The following CCDC148 variants were observed in gnomAD, a reference collection of about 807,000 sequenced individuals.
The protein encoded by CCDC148 is coiled-coil domain containing 148.
In CCDC148, 89 loss-of-function variants were observed where a neutral mutation model predicts 85.7. That is an observed-to-expected ratio of 1.04 (90% CI 0.87 to 1.24). The LOEUF (loss-of-function observed/expected upper bound fraction) is 1.24. Among genes scored for constraint, CCDC148 ranks in the 50% most tolerant of loss-of-function variants. The probability of loss-of-function intolerance (pLI) is 0.00; values close to 1 mark genes in which losing one functional copy is unlikely to be tolerated. For synonymous variants in CCDC148, 230 were observed against 213.9 expected (o/e 1.08, Z -0.66); for missense variants, 692 against 671.7 (o/e 1.03, Z -0.33).
intron 7 of CCDC148, among the ~76,000 whole-genome samples, chr2:158,337,815 T>A (rs985330197): frequency 6.6e-6 from 1 of 152,178 alleles, no homozygotes; most frequent in Admixed American, 6.6e-5. Context: ...TTTAAGTTTT[T>A]TCCCCCTGTA....
chr2:158,318,584 T>G (rs756031739), intron 7 of CCDC148, among the ~76,000 whole-genome samples: 14 of 151,322 alleles, frequency 9.3e-5, no homozygotes, highest in Admixed American at 2.0e-4. Flanking sequence ...TTTACTTAGA[T>G]TTTTTTTTAG....
chr2:158,252,247 T>C (rs1688824248), intron 9 of CCDC148, among the ~76,000 whole-genome samples: 1 of 151,812 alleles, frequency 6.6e-6, no homozygotes. Flanking sequence ...AATTTCATTT[T>C]CTAAAGTAAT....
intron 13 of CCDC148, among the ~76,000 whole-genome samples, chr2:158,175,794 G>A (rs919559869): frequency 1.3e-5 from 2 of 151,964 alleles, no homozygotes; most frequent in African/African-American, 4.8e-5. Context: ...TAATTATTTA[G>A]CTTCTCTCCT....
At position 158,250,888 on chromosome 2, in the gene CCDC148, C is replaced by T. The variant is rs1389744623; in HGVS notation, c.1135G>A (p.Glu379Lys). The T allele has an allele frequency of 1.2e-6, 2 of 1,604,450 alleles. No individual in the cohort carries two copies. Among genetic ancestry groups the T allele is most frequent in the African/African-American group, 2.7e-5 (2 of 74,036 alleles). Residue 379 changes from glutamate to lysine, a missense_variant, in exon 10 of 14, where the codon GAA becomes AAA. Transcript: ENST00000283233. ...AKVRQWRAHQ[E>K]EVARLEMEIS... The stretch of plus-strand genomic sequence containing the variant: ...TCCATTTCCAGTCTTGCTACCTCTT[C>T]TTGGTGGGCTCGCCATTGACGAACC...
chr2:158,276,149 G>A (rs1003536489), intron 9 of CCDC148, among the ~76,000 whole-genome samples: 3 of 152,092 alleles, frequency 2.0e-5, no homozygotes, highest in Admixed American at 6.6e-5. Flanking sequence ...ATTAAAAACC[G>A]CCTTGCCTCA....
chr2:158,297,709 T>C (rs2105195741), intron 9 of CCDC148, among the ~76,000 whole-genome samples: 1 of 152,302 alleles, frequency 6.6e-6, no homozygotes, highest in Non-Finnish European at 1.5e-5. Flanking sequence ...AAGCAAGCTC[T>C]AGACTAAGTT....
rs183562723 is a variant in CCDC148 at position 158,185,756 on chromosome 2, C to T, written c.1371-6760G>A. On this transcript the variant is annotated intron_variant, in intron 11 of 13. Coordinates refer to ENST00000283233, the MANE Select transcript of CCDC148 (RefSeq NM_138803.4). ...TTCTTTTTCTGAACCATTCCTCTTT[C>T]TACCTGACCTTCTGTAATCCTTTTA... 5.9e-5 allele frequency among the ~76,000 whole-genome samples: 9 copies of T among 152,254 alleles called. No homozygotes were observed. In the East Asian group the frequency reaches 1.5e-3, roughly 26 times the overall value.
chr2:158,202,633 C>A (rs1686026536), intron 11 of CCDC148, among the ~76,000 whole-genome samples: 1 of 152,224 alleles, frequency 6.6e-6, no homozygotes, highest in Admixed American at 6.5e-5. Flanking sequence ...TCTGTCACTG[C>A]AGCACACGAA....
At chr2:158,352,120 T>C (rs1683341613) in intron 2 of CCDC148, among the ~76,000 whole-genome samples, 1 of 146,908 alleles carries the variant, frequency 6.8e-6, no homozygotes, top group African/African-American at 2.6e-5. Context: ...ACCACAAAGA[T>C]GGGGAAAAAA....
intron 1 of CCDC148, among the ~76,000 whole-genome samples, chr2:158,416,665 T>G (rs938176984): frequency 6.6e-6 from 1 of 152,222 alleles, no homozygotes; most frequent in Non-Finnish European, 1.5e-5. Flanking sequence ...TCATAACAAC[T>G]GAACAAGTCT....
At chr2:158,293,139 C>T (rs750491680) in intron 9 of CCDC148, among the ~76,000 whole-genome samples, 1 of 151,032 alleles carries the variant, frequency 6.6e-6, no homozygotes, top group Non-Finnish European at 1.5e-5. Context: ...GTTTAGCGTC[C>T]AGAAATAGAC....
At chr2:158,233,633 A>G (rs550114168) in intron 10 of CCDC148, among the ~76,000 whole-genome samples, 3 of 152,126 alleles carry the variant, frequency 2.0e-5, no homozygotes, top group Admixed American at 6.6e-5. Flanking sequence ...TGGATAGGCA[A>G]CTTTTCAAAC....
rs905614074 is a variant in CCDC148 at position 158,340,693 on chromosome 2, T to G, written c.252-13A>C. 8 of 1,417,346 alleles carry G rather than the reference T, an allele frequency of 5.6e-6. No homozygotes were observed. The African/African-American group carries it at 1.1e-4, about 20-fold the overall frequency. The allele number at this position is 1,417,346 out of a possible 1,614,324, so 87.8% of individuals were successfully genotyped here. On this transcript the variant is annotated splice_polypyrimidine_tract_variant and intron_variant, in intron 3 of 13. Transcript: ENST00000283233. ...TTCCATTTTACATCTGAAATAGATG[T>G]GATCTCAATAAATGTTACAATCATA...
chr2:158,179,976 C>CT (rs1349678802), intron 11 of CCDC148, among the ~76,000 whole-genome samples: 2 of 152,118 alleles, frequency 1.3e-5, no homozygotes, highest in Non-Finnish European at 2.9e-5. Flanking sequence ...CCTCTGCTGC[C>CT]TTTTTTGGGC....
intron 7 of CCDC148, among the ~76,000 whole-genome samples, chr2:158,333,017 C>T (rs1693225262): frequency 6.6e-6 from 1 of 151,410 alleles, no homozygotes; most frequent in South Asian, 2.1e-4. Flanking sequence ...AAGGGTTTTT[C>T]TTGTCTCTAT....
At chr2:158,257,095 C>T (rs1488716364) in intron 9 of CCDC148, among the ~76,000 whole-genome samples, 3 of 151,554 alleles carry the variant, frequency 2.0e-5, no homozygotes, top group Non-Finnish European at 4.4e-5. Context: ...AAAAAGTCTC[C>T]CACCAGAGAC....
intron 7 of CCDC148, among the ~76,000 whole-genome samples, chr2:158,318,716 G>C (rs1406304450): frequency 6.6e-6 from 1 of 151,860 alleles, no homozygotes; most frequent in Non-Finnish European, 1.5e-5. Context: ...CATCCATCCA[G>C]CAGTAGTTTT....
At chr2:158,399,442 T>C (rs1459526064) in intron 1 of CCDC148, among the ~76,000 whole-genome samples, 1 of 152,180 alleles carries the variant, frequency 6.6e-6, no homozygotes, top group South Asian at 2.1e-4. Flanking sequence ...TCAAGTCAGA[T>C]TCATCCCTGG....
At chr2:158,377,186 G>C (rs1359257226) in intron 1 of CCDC148, among the ~76,000 whole-genome samples, 13 of 151,958 alleles carry the variant, frequency 8.6e-5, no homozygotes, top group African/African-American at 3.1e-4. Flanking sequence ...TGAAAACTAG[G>C]GGAAGTGGAG....
Sources: gnomAD v4.1 joint callset for allele counts (sites outside exome capture counted in the v4.1 genomes callset) on GRCh38, gnomAD v4.1.1 for gene constraint, MANE v1.5 for transcripts, NCBI Gene and HGNC (gene_info 2026-07-23, HGNC 2026-07-21) for gene names.